GPM6A: variants seen among roughly 807,000 people sequenced by gnomAD.
GPM6A encodes neuronal membrane glycoprotein M6-a.
GPM6A carries 7 observed loss-of-function variants against 32.1 expected under a neutral mutation model. That is an observed-to-expected ratio of 0.22 (90% CI 0.12 to 0.41). The LOEUF (loss-of-function observed/expected upper bound fraction) is 0.41, where lower values mean the gene tolerates loss of function less well. GPM6A is among the 10% of genes least tolerant of loss of function. The probability of loss-of-function intolerance (pLI) is 1.00; values close to 1 mark genes in which losing one functional copy is unlikely to be tolerated. For synonymous variants in GPM6A, 130 were observed against 123.4 expected (o/e 1.05, Z -0.35); for missense variants, 235 against 347.2 (o/e 0.68, Z 2.57).
At chr4:175,640,056 G>T (rs1308506410) in intron 6 of GPM6A, 73 bp downstream of exon 6, 1 of 1,165,910 alleles carries the variant, frequency 8.6e-7, no homozygotes, top group Non-Finnish European at 1.3e-6. Flanking sequence ...TTTAGAGATA[G>T]TTTATCATCT....
At chr4:175,780,385 C>G (rs1733572271) in intron 1 of GPM6A, among the ~76,000 whole-genome samples, 1 of 152,258 alleles carries the variant, frequency 6.6e-6, no homozygotes, top group Non-Finnish European at 1.5e-5. Flanking sequence ...GCATGAACTT[C>G]TGATTTCTTG....
intron 1 of GPM6A, among the ~76,000 whole-genome samples, chr4:175,730,129 G>T (rs1430477126): frequency 6.6e-6 from 1 of 151,910 alleles, no homozygotes; most frequent in African/African-American, 2.4e-5. Flanking sequence ...TACTCTGCAT[G>T]CCCTTCTGGC....
intron 1 of GPM6A, among the ~76,000 whole-genome samples, chr4:175,902,244 A>G (rs1737991510): frequency 6.6e-6 from 1 of 152,228 alleles, no homozygotes; most frequent in South Asian, 2.1e-4. Flanking sequence ...CTGAACAAAA[A>G]GAATACATGG....
intron 1 of GPM6A, among the ~76,000 whole-genome samples, chr4:175,730,194 C>T (rs572538825): frequency 6.6e-6 from 1 of 152,162 alleles, no homozygotes; most frequent in African/African-American, 2.4e-5. Flanking sequence ...CAAACTGCTT[C>T]TAATTGCTGC....
chr4:175,829,149 CG>C lies in GPM6A; in HGVS notation c.-22-16901del, dbSNP rs762721834. Reference sequence around the variant, plus strand: ...TTTGCCATGTTGCCCAGGCTGGTCTCGAAATCCTGAGCTCAAGCAACCCACC... The same window carrying C: ...TTTGCCATGTTGCCCAGGCTGGTCTCAAATCCTGAGCTCAAGCAACCCACC... On this transcript the variant is annotated intron_variant, in intron 1 of 7. Coordinates refer to the GPM6A transcript ENST00000280187. Among the ~76,000 whole-genome samples the C allele has an allele frequency of 3.4e-4, 52 of 152,270 alleles. 1 individual carries two copies. Among genetic ancestry groups the C allele is most frequent in the Non-Finnish European group, 2.5e-4 (17 of 68,020 alleles).
At chr4:175,703,457 C>T (rs1247989068) in intron 1 of GPM6A, among the ~76,000 whole-genome samples, 1 of 152,136 alleles carries the variant, frequency 6.6e-6, no homozygotes, top group Non-Finnish European at 1.5e-5. Context: ...AAGCATGAGC[C>T]ACCACGCCCA....
chr4:175,995,793 C>T lies in GPM6A; in HGVS notation c.-23+6516G>A, dbSNP rs117190517. On this transcript the variant is annotated intron_variant, in intron 1 of 7. Transcript: ENST00000280187. ...ATTACTGTATATTATTTAAGCATAC[C>T]TTATATATCTTAAAATAAATAGCGA... Among the ~76,000 whole-genome samples, 110 of 152,170 alleles carry T rather than the reference C, an allele frequency of 7.2e-4. No individual in the cohort carries two copies. In the East Asian group the frequency reaches 0.016, roughly 22 times the overall value.
rs939167924 is a variant in GPM6A at position 175,688,307 on chromosome 4, T to A, written c.230+13268A>T. Among the ~76,000 whole-genome samples, 75 of 152,370 alleles carry A rather than the reference T, an allele frequency of 4.9e-4. 1 individual carries two copies. Among genetic ancestry groups the A allele is most frequent in the African/African-American group, 1.7e-3 (72 of 41,592 alleles). Reference sequence around the variant, plus strand: ...AGGTATGAACTTTTCTCCTATGTTTTCTTCTAGCAGTTTTATAATTTTAGG... The same window carrying A: ...AGGTATGAACTTTTCTCCTATGTTTACTTCTAGCAGTTTTATAATTTTAGG... On this transcript the variant is annotated intron_variant, in intron 2 of 6. Transcript: ENST00000393658.
chr4:175,920,675 C>T (rs115726291), intron 1 of GPM6A, among the ~76,000 whole-genome samples: 3,535 of 152,084 alleles, frequency 0.023, 70 homozygotes, highest in African/African-American at 0.045. Context: ...TGATGAAACC[C>T]CGTCTTTACT....
chr4:175,991,569 A>G (rs1365243376), intron 1 of GPM6A, among the ~76,000 whole-genome samples: 1 of 151,530 alleles, frequency 6.6e-6, no homozygotes, highest in African/African-American at 2.4e-5. Flanking sequence ...TCAAATCTAG[A>G]TGGAAATACA....
intron 2 of GPM6A, among the ~76,000 whole-genome samples, chr4:175,684,283 T>C (rs1257939248): frequency 6.6e-6 from 1 of 152,194 alleles, no homozygotes; most frequent in Non-Finnish European, 1.5e-5. Flanking sequence ...ACTATGCAAC[T>C]TTAAAAAAAG....
chr4:175,649,744 AG>A (rs1307701566), intron 4 of GPM6A, among the ~76,000 whole-genome samples: 1 of 152,182 alleles, frequency 6.6e-6, no homozygotes, highest in African/African-American at 2.4e-5. Flanking sequence ...AAGCAATCTC[AG>A]TGTCCCTTAG....
At chr4:175,684,977 C>G (rs1428673654) in intron 2 of GPM6A, among the ~76,000 whole-genome samples, 1 of 152,082 alleles carries the variant, frequency 6.6e-6, no homozygotes, top group Non-Finnish European at 1.5e-5. Flanking sequence ...CAAGCTCTGC[C>G]TCCAGGTTCA....
intron 1 of GPM6A, among the ~76,000 whole-genome samples, chr4:175,946,941 T>G (rs1211003779): frequency 6.6e-6 from 1 of 152,128 alleles, no homozygotes. Flanking sequence ...TGGAGATTAC[T>G]GCTGTACTGG....
At chr4:175,749,756 T>A (rs1732248515) in intron 1 of GPM6A, among the ~76,000 whole-genome samples, 1 of 152,178 alleles carries the variant, frequency 6.6e-6, no homozygotes, top group South Asian at 2.1e-4. Context: ...TATATTTACA[T>A]AAAATGTCAT....
At chr4:175,647,098 T>G (rs1741503955) in intron 4 of GPM6A, among the ~76,000 whole-genome samples, 1 of 152,222 alleles carries the variant, frequency 6.6e-6, no homozygotes, top group Non-Finnish European at 1.5e-5. Context: ...TGAGAAGTGC[T>G]TTATGGAAAT....
intron 1 of GPM6A, among the ~76,000 whole-genome samples, chr4:175,721,701 C>T (rs1052027458): frequency 5.9e-5 from 9 of 152,060 alleles, no homozygotes; most frequent in Admixed American, 1.3e-4. Context: ...TCTGTATTCT[C>T]GATGAAAAAC....
At chr4:175,928,940 G>A (rs1336178095) in intron 1 of GPM6A, among the ~76,000 whole-genome samples, 1 of 152,168 alleles carries the variant, frequency 6.6e-6, no homozygotes. Flanking sequence ...ACAGTTGTCT[G>A]AGAATACATT....
chr4:175,958,460 G>C (rs1002546254), intron 1 of GPM6A, among the ~76,000 whole-genome samples: 2 of 152,186 alleles, frequency 1.3e-5, no homozygotes, highest in Non-Finnish European at 2.9e-5. Flanking sequence ...CACTACCCTT[G>C]AGAACCATAA....
Sources: allele counts gnomAD v4.1 joint callset (sites outside exome capture counted in the v4.1 genomes callset), GRCh38; gene constraint gnomAD v4.1.1; transcripts MANE v1.5; gene names NCBI Gene and HGNC (gene_info 2026-07-23, HGNC 2026-07-21).